The following IQCM variants were observed in gnomAD, a reference collection of about 807,000 sequenced individuals.
The protein encoded by IQCM is IQ motif containing M, also known as IQ domain-containing protein M.
Under a neutral mutation model 57.6 loss-of-function variants are expected in IQCM, and 45 were observed. The ratio of observed to expected loss-of-function variants is 0.78; its 90% CI spans 0.62 to 1.00. IQCM has a LOEUF of 1.00. Among genes scored for constraint, IQCM ranks in the 50% least tolerant of loss-of-function variants. The pLI is 0.00. For missense variants in IQCM, 468 were observed against 511.6 expected, an observed-to-expected ratio of 0.91 and a Z score of 0.82; for synonymous variants, 148 against 158.9, an observed-to-expected ratio of 0.93 and a Z score of 0.51.
chr4:149,478,456 C>T (rs1740439083), intron 12 of IQCM, among the ~76,000 whole-genome samples: 1 of 152,046 alleles, frequency 6.6e-6, no homozygotes, highest in South Asian at 2.1e-4. Context: ...GTCACTAACT[C>T]GACAGTTTAG....
At chr4:149,359,072 T>C (rs1036090183) in intron 13 of IQCM, among the ~76,000 whole-genome samples, 3 of 152,004 alleles carry the variant, frequency 2.0e-5, no homozygotes, top group Non-Finnish European at 2.9e-5. Context: ...AGAGAGATCA[T>C]AAATAACCCC....
At chr4:149,397,420 A>T (rs1463912476) in intron 13 of IQCM, among the ~76,000 whole-genome samples, 1 of 151,908 alleles carries the variant, frequency 6.6e-6, no homozygotes, top group African/African-American at 2.4e-5. Flanking sequence ...ATGGGAGGTG[A>T]TTGGATCATG....
chr4:149,641,067 T>C (rs1227242840), intron 7 of IQCM, among the ~76,000 whole-genome samples: 1 of 152,088 alleles, frequency 6.6e-6, no homozygotes, highest in Non-Finnish European at 1.5e-5. Flanking sequence ...GAGGAAGAGG[T>C]TGCAGTGAGC....
intron 13 of IQCM, among the ~76,000 whole-genome samples, chr4:149,410,282 C>T (rs751834189): frequency 1.6e-4 from 24 of 152,046 alleles, no homozygotes; most frequent in Non-Finnish European, 3.4e-4. Flanking sequence ...CTCCTTCAAA[C>T]CACAATTTTA....
At chr4:149,515,071 CGTGTGTGT>C (rs58534209) in intron 12 of IQCM, among the ~76,000 whole-genome samples, 143 of 142,902 alleles carry the variant, frequency 1.0e-3, no homozygotes, top group South Asian at 5.8e-3. Flanking sequence ...TATATATACA[CGTGTGTGT>C]GTGTGTGTGT....
At chr4:149,462,869 C>A (rs966972368) in intron 12 of IQCM, among the ~76,000 whole-genome samples, 2 of 152,308 alleles carry the variant, frequency 1.3e-5, no homozygotes, top group African/African-American at 4.8e-5. Context: ...TGCAGGAGAA[C>A]ATACAAATCT....
At chr4:149,537,734 C>T (rs1747441702) in intron 12 of IQCM, among the ~76,000 whole-genome samples, 1 of 151,740 alleles carries the variant, frequency 6.6e-6, no homozygotes, top group African/African-American at 2.4e-5. Flanking sequence ...CCTCATCATA[C>T]ACAAGATAAC....
chr4:149,716,152 C>T (rs2149842162), intron 5 of IQCM, among the ~76,000 whole-genome samples: 2 of 152,306 alleles, frequency 1.3e-5, no homozygotes, highest in South Asian at 4.1e-4. Context: ...TCTACAGCAC[C>T]CACAGCACCC....
At chr4:149,812,975 T>C (rs1774724654) in intron 2 of IQCM, among the ~76,000 whole-genome samples, 1 of 152,204 alleles carries the variant, frequency 6.6e-6, no homozygotes, top group Non-Finnish European at 1.5e-5. Context: ...TCAGAGTTAA[T>C]GAGCATCTTT....
Position 149,415,181 on chromosome 4 carries a change from G to T in IQCM, c.1390+18215C>A, listed in dbSNP as rs550159894. On this transcript the variant is annotated intron_variant, in intron 13 of 13. Transcript: ENST00000636793. ...TTAAAAATGCATGTAGAGAAGGATA[G>T]CCTTGAACATTTGAAGTTTTCAGGT... 3.9e-5 allele frequency among the ~76,000 whole-genome samples: 6 copies of T among 152,262 alleles called. No homozygotes were observed. In the East Asian group the frequency reaches 1.2e-3, roughly 29 times the overall value.
At chr4:149,449,376 T>TATTATATATATAATATATATATTTATA (rs1736852706) in intron 12 of IQCM, among the ~76,000 whole-genome samples, 1 of 145,970 alleles carries the variant, frequency 6.9e-6, no homozygotes, top group Non-Finnish European at 1.5e-5. Flanking sequence ...TTATATTATA[T>TATTATATATATAATATATATATTTATA]ATTATATATA....
chr4:149,470,474 A>C (rs1739396267), intron 12 of IQCM, among the ~76,000 whole-genome samples: 1 of 152,212 alleles, frequency 6.6e-6, no homozygotes. Context: ...TTCATAAAGC[A>C]AGTCCATAGC....
intron 5 of IQCM, among the ~76,000 whole-genome samples, chr4:149,728,503 C>T (rs1766163853): frequency 6.6e-6 from 1 of 152,174 alleles, no homozygotes; most frequent in African/African-American, 2.4e-5. Context: ...TTAATCAACA[C>T]ATATTAAAAG....
intron 13 of IQCM, among the ~76,000 whole-genome samples, chr4:149,432,862 T>C (rs955549435): frequency 3.3e-5 from 5 of 151,906 alleles, no homozygotes; most frequent in African/African-American, 1.2e-4. Context: ...TAGCGAATAC[T>C]TGAAAAGAAG....
At chr4:149,431,664 C>A (rs1223425971) in intron 13 of IQCM, among the ~76,000 whole-genome samples, 1 of 151,896 alleles carries the variant, frequency 6.6e-6, no homozygotes. Flanking sequence ...AATTTAAGCC[C>A]TAGCAATCAC....
chr4:149,371,869 G>T (rs1038654351), intron 13 of IQCM, among the ~76,000 whole-genome samples: 1 of 152,030 alleles, frequency 6.6e-6, no homozygotes, highest in Non-Finnish European at 1.5e-5. Flanking sequence ...TGCTTCTAAG[G>T]ATGGCCATTC....
intron 7 of IQCM, among the ~76,000 whole-genome samples, chr4:149,648,074 T>C (rs1363419586): frequency 2.6e-5 from 4 of 152,196 alleles, no homozygotes; most frequent in Non-Finnish European, 5.9e-5. Context: ...TATTTCAAAT[T>C]TATGTTCCTT....
intron 13 of IQCM, among the ~76,000 whole-genome samples, chr4:149,358,844 C>CAGTACATCATGATATACTCTCATG (rs1729208952): frequency 9.3e-6 from 1 of 108,028 alleles, no homozygotes; most frequent in Non-Finnish European, 2.0e-5. Context: ...GCACAGTGGA[C>CAGTACATCATGATATACTCTCATG]AGTATATCAT....
At chr4:149,533,945 TAG>T (rs1168556077) in intron 12 of IQCM, among the ~76,000 whole-genome samples, 2 of 152,140 alleles carry the variant, frequency 1.3e-5, no homozygotes, top group African/African-American at 4.8e-5. Flanking sequence ...TTCATGGAAC[TAG>T]AGAGACTAAT....
Sources: gnomAD v4.1 joint callset for allele counts (sites outside exome capture counted in the v4.1 genomes callset) on GRCh38, gnomAD v4.1.1 for gene constraint, MANE v1.5 for transcripts, NCBI Gene and HGNC (gene_info 2026-07-23, HGNC 2026-07-21) for gene names.